The following SHTN1 variants were observed in gnomAD, a reference collection of about 807,000 sequenced individuals.
SHTN1 encodes the protein shootin-1.
A neutral mutation model predicts 83.1 loss-of-function variants in SHTN1; 42 were observed. The ratio of observed to expected loss-of-function variants is 0.51; its 90% CI spans 0.39 to 0.65. The LOEUF (loss-of-function observed/expected upper bound fraction) is 0.65, where lower values mean the gene tolerates loss of function less well. Among genes scored for constraint, SHTN1 ranks in the 30% least tolerant of loss-of-function variants. The pLI, the probability that SHTN1 is intolerant of heterozygous loss-of-function variation, is 0.00. For missense variants in SHTN1, 622 were observed against 737.8 expected (o/e 0.84, Z 1.82); for synonymous variants, 224 against 247.7 (o/e 0.90, Z 0.90).
chr10:117,075,877 G>A (rs1332849014), intron 1 of SHTN1, among the ~76,000 whole-genome samples: 2 of 152,134 alleles, frequency 1.3e-5, no homozygotes, highest in Admixed American at 1.3e-4. Flanking sequence ...AGGATGATTT[G>A]TATTTTAGAA....
chr10:116,893,597 C>CACACACACACACACACACA (rs3981216), intron 16 of SHTN1, among the ~76,000 whole-genome samples: 3 of 151,342 alleles, frequency 2.0e-5, no homozygotes, highest in Non-Finnish European at 4.4e-5. Flanking sequence ...CACACACACA[C>CACACACACACACACACACA]GAGAAAGAAA....
At chr10:117,109,430 G>T (rs1904302) in intron 1 of SHTN1, among the ~76,000 whole-genome samples, 29,604 of 151,692 alleles carry the variant, frequency 0.2, 3,162 homozygotes, top group East Asian at 0.43. Flanking sequence ...AAAAATTTCA[G>T]ATTGGAAGGA....
intron 8 of SHTN1, among the ~76,000 whole-genome samples, chr10:116,942,160 A>G (rs1423462841): frequency 1.3e-5 from 2 of 152,182 alleles, no homozygotes; most frequent in African/African-American, 4.8e-5. Context: ...CTTAAACTTC[A>G]GACCAGTGAT....
intron 8 of SHTN1, among the ~76,000 whole-genome samples, chr10:116,941,235 C>CTAAG (rs1261121208): frequency 2.0e-5 from 3 of 152,174 alleles, no homozygotes; most frequent in Non-Finnish European, 4.4e-5. Flanking sequence ...AACCATCTGG[C>CTAAG]TAAGTTCCTC....
intron 3 of SHTN1, among the ~76,000 whole-genome samples, chr10:116,963,041 T>G (rs1484233420): frequency 4.5e-4 from 3 of 6,712 alleles, no homozygotes; most frequent in African/African-American, 7.0e-4. Context: ...AAAAGTTTTT[T>G]TTTTTTTTTT....
At position 116,921,538 on chromosome 10, in the gene SHTN1, C is replaced by A. The variant is rs775079197; in HGVS notation, c.1113-22G>T. 4.4e-6 allele frequency: 7 copies of A among 1,582,760 alleles called. No homozygotes were observed. In the East Asian group the frequency reaches 9.0e-5, roughly 20 times the overall value. On this transcript the variant is annotated intron_variant, in intron 11 of 16. Transcript: ENST00000355371. ...GGATCTTTGGGAGAAAGAAAAAGAT[C>A]AACAGGAGATTACTGGATGCCTAGA...
intron 2 of SHTN1, among the ~76,000 whole-genome samples, chr10:116,977,662 C>CTCTG (rs1554923510): frequency 2.0e-5 from 3 of 147,776 alleles, no homozygotes; most frequent in South Asian, 2.2e-4. Flanking sequence ...CTTTCTTACT[C>CTCTG]TGTGTGTGTG....
At chr10:117,022,676 T>C (rs1270278602) in intron 2 of SHTN1, among the ~76,000 whole-genome samples, 5 of 152,144 alleles carry the variant, frequency 3.3e-5, no homozygotes, top group Admixed American at 2.6e-4. Context: ...ATCCCAGTAC[T>C]TTGGGAGGCC....
At chr10:117,099,604 C>G (rs961568101) in intron 1 of SHTN1, among the ~76,000 whole-genome samples, 1 of 152,006 alleles carries the variant, frequency 6.6e-6, no homozygotes, top group Admixed American at 6.6e-5. Context: ...CACCATGCTG[C>G]CTTCCCAAAT....
intron 1 of SHTN1, among the ~76,000 whole-genome samples, chr10:117,124,486 GCA>G (rs1473396839): frequency 6.6e-6 from 1 of 152,102 alleles, no homozygotes; most frequent in African/African-American, 2.4e-5. Context: ...AAAACAGGCT[GCA>G]CTTTGCTTTT....
intron 8 of SHTN1, among the ~76,000 whole-genome samples, chr10:116,940,892 A>G (rs1398980061): frequency 6.6e-6 from 1 of 152,190 alleles, no homozygotes; most frequent in Non-Finnish European, 1.5e-5. Flanking sequence ...TAATATTAAT[A>G]GTAGTAGCTA....
chr10:117,016,180 T>C (rs1363619580), intron 2 of SHTN1, among the ~76,000 whole-genome samples: 2 of 152,178 alleles, frequency 1.3e-5, no homozygotes, highest in Non-Finnish European at 2.9e-5. Flanking sequence ...CTTTTACAGG[T>C]TCACAAATGT....
At chr10:117,083,359 T>C (rs1853301516) in intron 1 of SHTN1, among the ~76,000 whole-genome samples, 2 of 149,230 alleles carry the variant, frequency 1.3e-5, no homozygotes, top group African/African-American at 2.4e-5. Flanking sequence ...TGTTGAATAT[T>C]GGCCCCCACT....
At chr10:116,973,856 C>G (rs897013678) in intron 2 of SHTN1, 6 of 1,283,716 alleles carry the variant, frequency 4.7e-6, no homozygotes, top group Non-Finnish European at 6.1e-6. Flanking sequence ...ACCTGTTTAC[C>G]TGTTTAAGAA....
intron 16 of SHTN1, among the ~76,000 whole-genome samples, chr10:116,887,221 T>C (rs1847193124): frequency 6.6e-6 from 1 of 152,208 alleles, no homozygotes; most frequent in Non-Finnish European, 1.5e-5. Context: ...AGAAATTTCT[T>C]ATGGAATTTC....
rs1853973672 is a variant in SHTN1, at chr10:117,124,274, G to A, written c.-189+2033C>T. Among the ~76,000 whole-genome samples, 3 of 151,908 alleles carry A rather than the reference G, an allele frequency of 2.0e-5. No individual in the cohort carries two copies. In the South Asian group the frequency reaches 6.2e-4, roughly 32 times the overall value. On this transcript the variant is annotated intron_variant, in intron 1 of 17. Transcript: ENST00000392901. ...TGATGGTCCTGACTCTAACCTGGGG[G>A]TTAATGAGCCTCAGGCAATGAAAAA... is the stretch of plus-strand genomic sequence containing the variant.
upstream of SHTN1, among the ~76,000 whole-genome samples, chr10:117,008,637 C>A (rs1272214674): frequency 2.6e-5 from 4 of 152,146 alleles, no homozygotes; most frequent in African/African-American, 4.8e-5. Context: ...ATGATCACAA[C>A]AGGCAAATCC....
intron 1 of SHTN1, among the ~76,000 whole-genome samples, chr10:117,107,532 A>G (rs948720669): frequency 6.6e-6 from 1 of 152,206 alleles, no homozygotes; most frequent in African/African-American, 2.4e-5. Flanking sequence ...TGTGATTACC[A>G]AATCAGTAAA....
At chr10:117,106,217 G>A (rs1853666868) in intron 1 of SHTN1, among the ~76,000 whole-genome samples, 1 of 151,996 alleles carries the variant, frequency 6.6e-6, no homozygotes, top group Non-Finnish European at 1.5e-5. Context: ...AGCACTTTGG[G>A]AGGCTGAGGT....
Sources: allele counts gnomAD v4.1 joint callset (sites outside exome capture counted in the v4.1 genomes callset), GRCh38; gene constraint gnomAD v4.1.1; transcripts MANE v1.5; gene names NCBI Gene and HGNC (gene_info 2026-07-23, HGNC 2026-07-21).